Variants in YME1L1 observed in about 807,000 individuals in gnomAD.
YME1L1 encodes YME1 like 1 ATPase.
A neutral mutation model predicts 90.4 loss-of-function variants in YME1L1; 39 were observed. The ratio of observed to expected loss-of-function variants is 0.43; its 90% CI spans 0.33 to 0.56. The LOEUF is 0.56. YME1L1 is among the 20% of genes least tolerant of loss of function. The pLI, the probability that YME1L1 is intolerant of heterozygous loss-of-function variation, is 0.03. For missense variants in YME1L1, 617 were observed against 868.4 expected (o/e 0.71, Z 3.64); for synonymous variants, 284 against 287.3 (o/e 0.99, Z 0.12).
intron 4 of YME1L1, among the ~76,000 whole-genome samples, chr10:27,140,188 G>C (rs139187068): frequency 9.3e-4 from 141 of 152,030 alleles, no homozygotes; most frequent in Middle Eastern, 3.4e-3. Context: ...TTTTTTAGTG[G>C]AGAACGGGGT....
At chr10:27,127,846 C>T (rs1164056078) in intron 8 of YME1L1, among the ~76,000 whole-genome samples, 1 of 151,756 alleles carries the variant, frequency 6.6e-6, no homozygotes, top group East Asian at 1.9e-4. Context: ...TGTTAAACTT[C>T]AATGAAATTT....
intron 5 of YME1L1, 95 bp downstream of exon 5, chr10:27,136,181 T>C: frequency 1.0e-6 from 1 of 988,326 alleles, no homozygotes; most frequent in East Asian, 2.4e-5. Flanking sequence ...GAAGGAAGAA[T>C]ATCTATCAGC....
intron 1 of YME1L1, among the ~76,000 whole-genome samples, chr10:27,152,558 G>A (rs960819046): frequency 6.6e-6 from 1 of 152,184 alleles, no homozygotes; most frequent in Non-Finnish European, 1.5e-5. Context: ...GCCTCTTGAT[G>A]TGAACTAAGG....
At chr10:27,147,476 T>C (rs2057156641) in intron 2 of YME1L1, 2 of 1,614,176 alleles carry the variant, frequency 1.2e-6, no homozygotes, top group African/African-American at 2.7e-5. Flanking sequence ...ACAATAGGCA[T>C]TTGGAGAAAC....
chr10:27,112,841 G>C (rs1427444280), intron 18 of YME1L1, among the ~76,000 whole-genome samples: 1 of 151,934 alleles, frequency 6.6e-6, no homozygotes, highest in Non-Finnish European at 1.5e-5. Flanking sequence ...TGGGACTACA[G>C]GCATGAACCA....
chr10:27,136,333 G>C lies in YME1L1; in HGVS notation c.483C>G (p.Leu161=). 6.2e-7 allele frequency: 1 copy of C among 1,613,806 alleles called. No homozygotes were observed. The highest frequency in any genetic ancestry group is 8.5e-7 in the Non-Finnish European group (1 of 1,179,946). The change falls in exon 5 of 19, where the codon CTC becomes CTG. Residue 161 remains leucine, a synonymous_variant. Transcript: ENST00000376016. ...CAGCTAATCTCTCGGAGGTAGACTG[G>C]AGACGTCGTGTCCTTGATTTCAAAG... ...FKTLKSRTRR[L]QSTSERLAET... is the part of the protein sequence containing the mutation.
rs1564461902 is a variant in YME1L1 at position 27,131,795 on chromosome 10, C to T, written c.858+64G>A. The T allele has an allele frequency of 1.6e-5, 20 of 1,233,046 alleles. No homozygotes were observed. The East Asian group carries it at 2.1e-4, about 13-fold the overall frequency. 76.4% of individuals were successfully genotyped at this position (1,233,046 alleles called of 1,614,324 possible). A position where few individuals can be genotyped will look rare whatever the true frequency, so the allele number is the denominator to read the frequency against. On this transcript the variant is annotated intron_variant, in intron 8 of 18. Coordinates refer to ENST00000376016, the MANE Select transcript of YME1L1 (RefSeq NM_014263.4). ...TAGAATACACTGTAGAATCAAATATCGACCTCATATAGAGTATCAATTAGA... is the reference window on the plus strand; with the variant it reads ...TAGAATACACTGTAGAATCAAATATTGACCTCATATAGAGTATCAATTAGA...
intron 1 of YME1L1, among the ~76,000 whole-genome samples, chr10:27,151,823 G>C (rs891833386): frequency 6.6e-6 from 1 of 151,150 alleles, no homozygotes; most frequent in African/African-American, 2.4e-5. Flanking sequence ...GGAGCTTGCA[G>C]TGAGCGGAGA....
chr10:27,136,127 TATA>T (rs2057024509), intron 5 of YME1L1, 146 bp downstream of exon 5: 1 of 671,156 alleles, frequency 1.5e-6, no homozygotes, highest in South Asian at 1.9e-5. Context: ...GAGTTAGAGG[TATA>T]ATGATTACAC....
intron 9 of YME1L1, among the ~76,000 whole-genome samples, chr10:27,124,308 T>A (rs1329482020): frequency 6.6e-6 from 1 of 152,208 alleles, no homozygotes; most frequent in African/African-American, 2.4e-5. Context: ...AAAGCAAATA[T>A]GACAGAATGT....
At chr10:27,115,323 C>CGTT (rs576648719) in intron 17 of YME1L1, among the ~76,000 whole-genome samples, 3 of 142,368 alleles carry the variant, frequency 2.1e-5, no homozygotes, top group Non-Finnish European at 3.1e-5. Context: ...CATTTAAAAT[C>CGTT]TTTTTTTTTT....
chr10:27,145,785 A>G (rs1004703856), intron 2 of YME1L1, 195 bp from the exon 3 acceptor site: 4 of 413,930 alleles, frequency 9.7e-6, no homozygotes, highest in African/African-American at 6.1e-5. Context: ...GAGGTTTGAC[A>G]TAGGTTAAAA....
At chr10:27,116,170 T>C (rs1419150575) in intron 16 of YME1L1, 37 bp from the exon 17 acceptor site, 1 of 1,613,412 alleles carries the variant, frequency 6.2e-7, no homozygotes. Context: ...TTAAAACATA[T>C]CTTTAAGACC....
Position 27,111,848 on chromosome 10 carries a change from G to T in YME1L1, c.*129C>A. The T allele has an allele frequency of 8.1e-7, 1 of 1,229,262 alleles. No homozygotes were observed. The highest frequency in any genetic ancestry group is 1.2e-6 in the Non-Finnish European group (1 of 841,738). 76.1% of individuals were successfully genotyped at this position (1,229,262 alleles called of 1,614,324 possible). A position where few individuals can be genotyped will look rare whatever the true frequency, so the allele number is the denominator to read the frequency against. The stretch of plus-strand genomic sequence containing the variant: ...AACTGGATAAATGTGACAAATGATT[G>T]ACAAAGCATTTCACACCCTTCAATT... On this transcript the variant is annotated 3_prime_UTR_variant, in exon 19 of 19. Coordinates refer to ENST00000376016, the MANE Select transcript of YME1L1 (RefSeq NM_014263.4).
chr10:27,128,002 T>C (rs573884433), intron 8 of YME1L1, among the ~76,000 whole-genome samples: 1 of 152,324 alleles, frequency 6.6e-6, no homozygotes, highest in East Asian at 1.9e-4. Flanking sequence ...AGATTAAACA[T>C]AATTTAATAC....
intron 9 of YME1L1, among the ~76,000 whole-genome samples, chr10:27,125,212 C>CA (rs1191065253): frequency 6.6e-6 from 1 of 151,544 alleles, no homozygotes; most frequent in Admixed American, 6.6e-5. Flanking sequence ...TTCTTAATAG[C>CA]AAAAAAACTG....
chr10:27,148,862 G>C (rs775310935), intron 2 of YME1L1, 44 bp downstream of exon 2: 2 of 1,608,716 alleles, frequency 1.2e-6, no homozygotes, highest in Admixed American at 3.4e-5. Flanking sequence ...AGGGTCAACT[G>C]TATATCAAAA....
At chr10:27,140,865 CA>C (rs1312232223) in intron 4 of YME1L1, among the ~76,000 whole-genome samples, 1 of 152,090 alleles carries the variant, frequency 6.6e-6, no homozygotes, top group African/African-American at 2.4e-5. Flanking sequence ...CTCAGAGTTA[CA>C]ACATTAGGAA....
At chr10:27,140,787 A>AT (rs2057079233) in intron 4 of YME1L1, among the ~76,000 whole-genome samples, 2 of 152,002 alleles carry the variant, frequency 1.3e-5, no homozygotes, top group Admixed American at 6.6e-5. Context: ...GTATTTAGGT[A>AT]TTTTTTTAAG....
Sources: gnomAD v4.1 joint callset for allele counts (sites outside exome capture counted in the v4.1 genomes callset) on GRCh38, gnomAD v4.1.1 for gene constraint, MANE v1.5 for transcripts, NCBI Gene and HGNC (gene_info 2026-07-23, HGNC 2026-07-21) for gene names.